CADPS: variants seen among roughly 807,000 people sequenced by gnomAD.
The protein encoded by CADPS is calcium dependent secretion activator.
CADPS carries 57 observed loss-of-function variants against 167.3 expected under a neutral mutation model. The ratio of observed to expected loss-of-function variants is 0.34; its 90% CI spans 0.28 to 0.42. CADPS has a LOEUF of 0.42. Among genes scored for constraint, CADPS ranks in the 20% least tolerant of loss-of-function variants. The pLI is 1.00. For synonymous variants in CADPS, 676 were observed against 635.3 expected (o/e 1.06, Z -0.96); for missense variants, 1,414 against 1,738.1 (o/e 0.81, Z 3.32).
At position 62,798,284 on chromosome 3, in the gene CADPS, T is replaced by A. The variant is rs556639977; in HGVS notation, c.442-32300A>T. 2.6e-5 allele frequency among the ~76,000 whole-genome samples: 4 copies of A among 152,248 alleles called. No homozygotes were observed. In the East Asian group the frequency reaches 7.7e-4, roughly 29 times the overall value. The stretch of plus-strand genomic sequence containing the variant: ...GGCACCATCTAATCAGCTGCCAGTG[T>A]GGCTAAGATAAAGCAGGCAGAAGAA... On this transcript the variant is annotated intron_variant, in intron 1 of 29. Transcript: ENST00000383710.
Position 62,412,086 on chromosome 3 carries a change from T to A in CADPS, c.3778-8901A>T, listed in dbSNP as rs1043995798. Among the ~76,000 whole-genome samples the A allele has an allele frequency of 6.6e-6, 1 of 151,056 alleles. No individual in the cohort carries two copies. Among genetic ancestry groups the A allele is most frequent in the African/African-American group, 2.4e-5 (1 of 41,128 alleles). ...CTAAACAGACACCAAAATCAGAGGG[T>A]ACAGATAATCAGAATGACCTTCTCA... is the stretch of plus-strand genomic sequence containing the variant. On this transcript the variant is annotated intron_variant, in intron 28 of 29. Transcript: ENST00000383710. The surrounding 1 kb of genome is among the most constrained non-coding windows in gnomAD (Gnocchi z 4.1).
intron 3 of CADPS, among the ~76,000 whole-genome samples, chr3:62,720,495 G>A (rs1271822549): frequency 1.3e-5 from 2 of 152,002 alleles, no homozygotes; most frequent in Non-Finnish European, 2.9e-5. Context: ...ACCACACTCA[G>A]CTAATTTTTA....
intron 1 of CADPS, among the ~76,000 whole-genome samples, chr3:62,790,569 C>T (rs1187413631): frequency 6.6e-6 from 1 of 152,170 alleles, no homozygotes; most frequent in Non-Finnish European, 1.5e-5. Context: ...TAGATTCATA[C>T]TAGTTCAGCA....
At position 62,514,396 on chromosome 3, in the gene CADPS, A is replaced by G. The variant is rs888886392; in HGVS notation, c.2582-1628T>C. On this transcript the variant is annotated intron_variant, in intron 16 of 29. Transcript: ENST00000383710. This position sits in a 1 kb window ranked among gnomAD's most constrained non-coding sequence, Gnocchi z 4.2. ...TCACATTAAAGTGGCTGAGCCAATC[A>G]CGGACAAGGAAGGAGAGAAGCGGAA... 1.5e-4 allele frequency among the ~76,000 whole-genome samples: 23 copies of G among 152,222 alleles called. No individual in the cohort carries two copies. The highest frequency in any genetic ancestry group is 5.3e-4 in the African/African-American group (22 of 41,556).
chr3:62,798,501 C>G (rs1032832426), intron 1 of CADPS, among the ~76,000 whole-genome samples: 6 of 152,142 alleles, frequency 3.9e-5, no homozygotes, highest in African/African-American at 1.4e-4. Context: ...CTTCCTTTCT[C>G]CTCAGCTTGC....
chr3:62,630,742 A>T (rs536587823), intron 6 of CADPS, among the ~76,000 whole-genome samples: 1 of 152,232 alleles, frequency 6.6e-6, no homozygotes, highest in South Asian at 2.1e-4. Flanking sequence ...TGTACCTGTG[A>T]TTTGTACTTT....
intron 6 of CADPS, among the ~76,000 whole-genome samples, chr3:62,599,522 A>T (rs1578509661): frequency 9.7e-6 from 1 of 102,592 alleles, no homozygotes; most frequent in Admixed American, 1.6e-4. Context: ...TATATATATT[A>T]CATATATATT....
In CADPS at chr3:62,747,415, T is replaced by C. The variant is rs572494501; in HGVS notation, c.888+6026A>G. On this transcript the variant is annotated intron_variant, in intron 3 of 29. Transcript: ENST00000383710. ...TATATGGAGATTAAGGGCTCTGTAA[T>C]GAGGTATGGATACAACCCAGCAATC... Among the ~76,000 whole-genome samples the C allele has an allele frequency of 4.3e-4, 65 of 152,300 alleles. 1 individual carries two copies. Among genetic ancestry groups the C allele is most frequent in the Non-Finnish European group, 7.8e-4 (53 of 68,036 alleles).
intron 7 of CADPS, among the ~76,000 whole-genome samples, chr3:62,592,130 G>A (rs73092208): frequency 0.054 from 8,220 of 152,204 alleles, 325 homozygotes; most frequent in East Asian, 0.22. Flanking sequence ...ACCCCACAGT[G>A]GATTTTGTAG....
intron 6 of CADPS, among the ~76,000 whole-genome samples, chr3:62,609,847 TG>T (rs112692744): frequency 1.3e-5 from 2 of 152,084 alleles, no homozygotes; most frequent in African/African-American, 4.8e-5. Flanking sequence ...CCTAGAACTT[TG>T]GGAGGCTGAG....
intron 6 of CADPS, among the ~76,000 whole-genome samples, chr3:62,638,304 C>T (rs1164535526): frequency 6.6e-6 from 1 of 151,984 alleles, no homozygotes; most frequent in Non-Finnish European, 1.5e-5. Context: ...TTTAGAATTT[C>T]CCCCTCATTC....
chr3:62,427,141 G>A (rs932372850), intron 28 of CADPS, among the ~76,000 whole-genome samples: 5 of 151,580 alleles, frequency 3.3e-5, no homozygotes, highest in Admixed American at 3.3e-4. Flanking sequence ...GTGACTCATT[G>A]AACTGACAAG....
chr3:62,809,734 A>G (rs1405385241), intron 1 of CADPS, among the ~76,000 whole-genome samples: 1 of 152,084 alleles, frequency 6.6e-6, no homozygotes, highest in African/African-American at 2.4e-5. Context: ...TGTCTTGCCT[A>G]TTGCTGTATT....
intron 3 of CADPS, among the ~76,000 whole-genome samples, chr3:62,678,827 T>C (rs1364371327): frequency 1.3e-5 from 2 of 148,924 alleles, no homozygotes; most frequent in African/African-American, 5.1e-5. Context: ...TGGTGGAACA[T>C]TCATACCCTC....
At chr3:62,786,671 G>GCACA (rs142291548) in intron 1 of CADPS, among the ~76,000 whole-genome samples, 2 of 151,502 alleles carry the variant, frequency 1.3e-5, no homozygotes, top group African/African-American at 4.9e-5. Context: ...ATGCACATGT[G>GCACA]CACACACACA....
At chr3:62,562,365 G>A (rs1166311339) in intron 9 of CADPS, among the ~76,000 whole-genome samples, 1 of 152,122 alleles carries the variant, frequency 6.6e-6, no homozygotes, top group Non-Finnish European at 1.5e-5. Flanking sequence ...ATGCAGAACT[G>A]GATTTGGTTT....
intron 28 of CADPS, among the ~76,000 whole-genome samples, chr3:62,431,926 C>A (rs2054056922): frequency 6.6e-6 from 1 of 151,296 alleles, no homozygotes; most frequent in Non-Finnish European, 1.5e-5. Context: ...TATGTGGGTG[C>A]TGGGAACACA....
At chr3:62,473,266 C>G (rs1489460904) in intron 24 of CADPS, among the ~76,000 whole-genome samples, 1 of 152,086 alleles carries the variant, frequency 6.6e-6, no homozygotes, top group Non-Finnish European at 1.5e-5. Flanking sequence ...GTAGGGGAAA[C>G]AAGGTTGAAG....
rs541280477 is a variant in CADPS, at chr3:62,659,739, G to A, written c.969+2575C>T. On this transcript the variant is annotated intron_variant, in intron 4 of 29. Transcript: ENST00000383710. The stretch of plus-strand genomic sequence containing the variant: ...GGACCAATCACGTGTGGCCAGGGCA[G>A]GCTGGAAACTGACTGCTTCCACCTG... 3.3e-5 allele frequency among the ~76,000 whole-genome samples: 5 copies of A among 152,328 alleles called. No homozygotes were observed. The South Asian group carries it at 1.0e-3, about 32-fold the overall frequency.
Sources: gnomAD v4.1 joint callset for allele counts (sites outside exome capture counted in the v4.1 genomes callset) on GRCh38, gnomAD v4.1.1 for gene constraint, Gnocchi (gnomAD v3.1) non-coding constraint, MANE v1.5 for transcripts, NCBI Gene and HGNC (gene_info 2026-07-23, HGNC 2026-07-21) for gene names.